Variants in NIBAN1 observed in about 807,000 individuals in gnomAD.
The protein encoded by NIBAN1 is niban apoptosis regulator 1.
Under a neutral mutation model 75.1 loss-of-function variants are expected in NIBAN1, and 81 were observed. The observed-to-expected ratio is 1.08, with a 90% CI of 0.90 to 1.30. The LOEUF is 1.30. Ranked by LOEUF, NIBAN1 falls within the 50% of genes most tolerant of loss-of-function variation. The pLI is 0.00. For missense variants in NIBAN1, 1,133 were observed against 1,128.1 expected (o/e 1.00, Z -0.06); for synonymous variants, 436 against 424.8 (o/e 1.03, Z -0.32).
chr1:184,832,298 A>T (rs1476837693), intron 5 of NIBAN1, among the ~76,000 whole-genome samples: 1 of 152,068 alleles, frequency 6.6e-6, no homozygotes, highest in Non-Finnish European at 1.5e-5. Context: ...GTGACACCTT[A>T]CTCAGAAAGG....
At chr1:184,893,670 A>G (rs1167788535) in intron 3 of NIBAN1, among the ~76,000 whole-genome samples, 4 of 152,204 alleles carry the variant, frequency 2.6e-5, no homozygotes, top group African/African-American at 9.6e-5. Flanking sequence ...AGACAGAGAC[A>G]TAGAGCAGAG....
intron 1 of NIBAN1, among the ~76,000 whole-genome samples, chr1:184,972,809 C>A (rs1186345409): frequency 6.6e-6 from 1 of 152,196 alleles, no homozygotes; most frequent in Non-Finnish European, 1.5e-5. Flanking sequence ...AATGGCACGG[C>A]CAGGAAGTCT....
intron 5 of NIBAN1, among the ~76,000 whole-genome samples, chr1:184,864,637 T>TA (rs1357230792): frequency 6.6e-6 from 1 of 151,746 alleles, no homozygotes; most frequent in Non-Finnish European, 1.5e-5. Context: ...TAAAAAAAAA[T>TA]ACGTAAAATG....
At chr1:184,894,640 G>A (rs554809811) in intron 2 of NIBAN1, among the ~76,000 whole-genome samples, 11 of 152,278 alleles carry the variant, frequency 7.2e-5, no homozygotes, top group East Asian at 3.9e-4. Context: ...TTAACAGACC[G>A]TTCCCCTATC....
rs1308711691 is a variant in NIBAN1, at chr1:184,974,294, G to A, written c.55+8C>T. Reference sequence around the variant, plus strand: ...GTGCTCCCCAGGCCCCCGGGCGGGCGGGCGTACCTCGGATGTAAGCGCACT... The same window carrying A: ...GTGCTCCCCAGGCCCCCGGGCGGGCAGGCGTACCTCGGATGTAAGCGCACT... On this transcript the variant is annotated splice_region_variant and intron_variant, in intron 1 of 13. Transcript: ENST00000367511. The A allele has an allele frequency of 6.4e-7, 1 of 1,556,370 alleles. No homozygotes were observed. Among genetic ancestry groups the A allele is most frequent in the Non-Finnish European group, 8.6e-7 (1 of 1,158,492 alleles).
chr1:184,968,253 C>T (rs234098), intron 1 of NIBAN1, among the ~76,000 whole-genome samples: 104,858 of 143,686 alleles, frequency 0.73, 41,049 homozygotes, highest in Middle Eastern at 0.82. Flanking sequence ...CAAAATCCTT[C>T]ATGGCTTTGC....
chr1:184,957,941 A>G (rs1658532111), intron 1 of NIBAN1, among the ~76,000 whole-genome samples: 1 of 152,240 alleles, frequency 6.6e-6, no homozygotes, highest in Admixed American at 6.5e-5. Flanking sequence ...GTTAGCTTAA[A>G]GTGGCTGCAA....
chr1:184,948,966 T>G lies in NIBAN1; in HGVS notation c.55+25336A>C, dbSNP rs1220205363. ...GTAATTTAGAATCAGAATTGTTACT[T>G]AAAATATTTAAATAAAAATAATGGC... On this transcript the variant is annotated intron_variant, in intron 1 of 13. Coordinates refer to ENST00000367511, the MANE Select transcript of NIBAN1 (RefSeq NM_052966.4). Among the ~76,000 whole-genome samples the G allele has an allele frequency of 2.6e-5, 4 of 152,232 alleles. No homozygotes were observed. The East Asian group carries it at 7.7e-4, about 29-fold the overall frequency.
At chr1:184,815,868 T>C (rs1418744722) in intron 9 of NIBAN1, among the ~76,000 whole-genome samples, 1 of 152,220 alleles carries the variant, frequency 6.6e-6, no homozygotes, top group Non-Finnish European at 1.5e-5. Context: ...TTCCATGGTT[T>C]AGACTAAAAG....
intron 5 of NIBAN1, chr1:184,868,147 CTT>C: frequency 1.5e-6 from 1 of 658,480 alleles, no homozygotes; most frequent in Non-Finnish European, 1.9e-6. Flanking sequence ...CAACTTCCTT[CTT>C]TTTTACCTCC....
chr1:184,810,371 C>G (rs545653704), intron 9 of NIBAN1, among the ~76,000 whole-genome samples: 1 of 152,106 alleles, frequency 6.6e-6, no homozygotes, highest in South Asian at 2.1e-4. Context: ...TGGTGGGGCC[C>G]GAGAATTTGC....
In NIBAN1 at chr1:184,806,054, T is replaced by C. The variant is rs1389209598; in HGVS notation, c.1338A>G (p.Leu446=). The change falls in exon 11 of 14, where the codon CTA becomes CTG. Residue 446 remains leucine (L), a splice_region_variant and synonymous_variant. Coordinates refer to ENST00000367511, the MANE Select transcript of NIBAN1 (RefSeq NM_052966.4). ...CAAAAGTGAACACTGCATTCTCCATTAGCTAGAAACCAGAAGCGACACAGA... is the reference window on the plus strand; with the variant it reads ...CAAAAGTGAACACTGCATTCTCCATCAGCTAGAAACCAGAAGCGACACAGA... The part of the protein sequence containing the change: ...VQRTQNYMQE[L]MENAVFTFEQ... 6.2e-7 allele frequency: 1 copy of C among 1,613,050 alleles called. No individual in the cohort carries two copies.
rs370794770 is a variant in NIBAN1 at position 184,795,575 on chromosome 1, A to G, written c.2189T>C (p.Met730Thr). 8.1e-6 allele frequency: 13 copies of G among 1,613,964 alleles called. No individual in the cohort carries two copies. The highest frequency in any genetic ancestry group is 2.2e-5 in the East Asian group (1 of 44,892). ...VEVPVDSAPV[M>T]EEDTNGESHV... ...GCTCTCCCCATTCGTATCTTCTTCCATCACTGGAGCAGAGTCCACTGGTAC... is the reference window on the plus strand; with the variant it reads ...GCTCTCCCCATTCGTATCTTCTTCCGTCACTGGAGCAGAGTCCACTGGTAC... Residue 730 changes from methionine (M) to threonine (T), a missense_variant, in exon 14 of 14, where the codon ATG (methionine) becomes ACG (threonine). Met to Thr is a moderately conservative substitution (Grantham distance 81). Coordinates refer to ENST00000367511, the MANE Select transcript of NIBAN1 (RefSeq NM_052966.4).
chr1:184,792,527 T>C lies in NIBAN1; in HGVS notation c.*2450A>G, dbSNP rs1653726594. On this transcript the variant is annotated 3_prime_UTR_variant, in exon 14 of 14. Coordinates refer to ENST00000367511, the MANE Select transcript of NIBAN1 (RefSeq NM_052966.4). ...GACTCCACACTACTGTCCCAGGGAG[T>C]CGGGCAGCCTTTGTGGGGCTGGGCA... 6.6e-6 allele frequency: 1 copy of C among 152,574 alleles called. No homozygotes were observed. Among genetic ancestry groups the C allele is most frequent in the African/African-American group, 2.4e-5 (1 of 41,390 alleles). 9.5% of individuals were successfully genotyped at this position (152,574 alleles called of 1,614,324 possible). A position where few individuals can be genotyped will look rare whatever the true frequency, so the allele number is the denominator to read the frequency against.
chr1:184,903,910 T>C (rs1263399519), intron 1 of NIBAN1, among the ~76,000 whole-genome samples: 2 of 151,558 alleles, frequency 1.3e-5, no homozygotes, highest in South Asian at 2.1e-4. Context: ...TATTTTTTTT[T>C]TTTTAGACAC....
chr1:184,875,511 G>A (rs950131280), intron 5 of NIBAN1, among the ~76,000 whole-genome samples: 1 of 152,166 alleles, frequency 6.6e-6, no homozygotes, highest in Non-Finnish European at 1.5e-5. Flanking sequence ...CTCACGTGAC[G>A]ACTAGGTTCT....
rs565697839 is a variant in NIBAN1, at chr1:184,891,828, A to T, written c.319-1606T>A. 2.0e-5 allele frequency among the ~76,000 whole-genome samples: 3 copies of T among 152,362 alleles called. No homozygotes were observed. The South Asian group carries it at 6.2e-4, about 32-fold the overall frequency. ...AGATATAATTTTATAAGATACTTCC[A>T]TAAATTAAAAAAAGAAGATATTATT... On this transcript the variant is annotated intron_variant, in intron 3 of 13. Coordinates refer to ENST00000367511, the MANE Select transcript of NIBAN1 (RefSeq NM_052966.4).
intron 1 of NIBAN1, among the ~76,000 whole-genome samples, chr1:184,961,544 A>G (rs1380521945): frequency 6.6e-6 from 1 of 152,182 alleles, no homozygotes; most frequent in Non-Finnish European, 1.5e-5. Context: ...CAAAATCTGT[A>G]ATGTTGGTTA....
chr1:184,939,833 G>C (rs577944626), intron 1 of NIBAN1, among the ~76,000 whole-genome samples: 38 of 152,222 alleles, frequency 2.5e-4, no homozygotes, highest in African/African-American at 8.7e-4. Flanking sequence ...TCCATACTTA[G>C]AGCGCTGTGT....
Sources: allele counts gnomAD v4.1 joint callset (sites outside exome capture counted in the v4.1 genomes callset), GRCh38; gene constraint gnomAD v4.1.1; transcripts MANE v1.5; gene names NCBI Gene and HGNC (gene_info 2026-07-23, HGNC 2026-07-21).